EP400: variants seen among roughly 807,000 people sequenced by gnomAD.
The protein encoded by EP400 is E1A binding protein p400, also known as E1A-binding protein p400.
A neutral mutation model predicts 354.1 loss-of-function variants in EP400; 105 were observed. The ratio of observed to expected loss-of-function variants is 0.30; its 90% CI spans 0.25 to 0.35. EP400 has a LOEUF of 0.35. Ranked by LOEUF, EP400 falls within the 10% of genes least tolerant of loss-of-function variation. The pLI is 1.00. For synonymous variants in EP400, 1,646 were observed against 1,716.9 expected, an observed-to-expected ratio of 0.96 and a Z score of 1.02; for missense variants, 3,280 against 4,121.0, an observed-to-expected ratio of 0.80 and a Z score of 5.59.
intron 2 of EP400, among the ~76,000 whole-genome samples, chr12:131,971,620 G>A (rs1311784053): frequency 6.6e-6 from 1 of 152,152 alleles, no homozygotes; most frequent in Non-Finnish European, 1.5e-5. Context: ...GGGTTCTTTA[G>A]GGAAATGTTT....
chr12:131,969,558 G>C (rs752450089), intron 2 of EP400, among the ~76,000 whole-genome samples: 1 of 152,060 alleles, frequency 6.6e-6, no homozygotes, highest in Non-Finnish European at 1.5e-5. Context: ...GTATACTTCC[G>C]ACATACCTCT....
chr12:132,031,809 C>A (rs1411375828), intron 29 of EP400, 144 bp from the exon 30 acceptor site: 1 of 731,356 alleles, frequency 1.4e-6, no homozygotes, highest in African/African-American at 1.8e-5. Context: ...CCCACCTCGG[C>A]CTCCCAAAGT....
Position 131,982,398 on chromosome 12 carries a change from C to T in EP400, c.1849C>T (p.Gln617Ter). The change falls in exon 5 of 53, where the codon CAG (glutamine) becomes TAG (stop). Residue 617 changes from glutamine (Q) to a stop codon, truncating the protein, a stop_gained. Coordinates refer to ENST00000389561, the MANE Select transcript of EP400 (RefSeq NM_015409.5). LOFTEE classifies it high-confidence loss of function. ...CAGCCAACTCCCCATCCCTCCCTCGCAGCCTGCACAGCTGGCCCTCCACGT... is the reference window on the plus strand; with the variant it reads ...CAGCCAACTCCCCATCCCTCCCTCGTAGCCTGCACAGCTGGCCCTCCACGT... ...PSSQLPIPPS[Q>*]PAQLALHVPT... The T allele has an allele frequency of 6.2e-7, 1 of 1,614,182 alleles. No homozygotes were observed. Among genetic ancestry groups the T allele is most frequent in the Non-Finnish European group, 8.5e-7 (1 of 1,180,030 alleles).
intron 15 of EP400, 40 bp downstream of exon 15, chr12:132,006,917 A>G (rs746356704): frequency 9.9e-6 from 16 of 1,610,418 alleles, no homozygotes; most frequent in Non-Finnish European, 1.4e-5. Flanking sequence ...CCTATTTGCT[A>G]GGACTTACCT....
At chr12:132,020,809 G>A (rs1894098898) in intron 22 of EP400, among the ~76,000 whole-genome samples, 1 of 152,196 alleles carries the variant, frequency 6.6e-6, no homozygotes, top group African/African-American at 2.4e-5. Flanking sequence ...CTAATGTTTG[G>A]TTGGGCTGAC....
In EP400 at chr12:132,075,927, T is replaced by TA. The variant is rs1279619204; in HGVS notation, c.9022-588dup. 1.7e-5 allele frequency: 3 copies of TA among 178,954 alleles called. No homozygotes were observed. Among genetic ancestry groups the TA allele is most frequent in the Non-Finnish European group, 2.4e-5 (2 of 83,146 alleles). 11.1% of individuals were successfully genotyped at this position (178,954 alleles called of 1,614,324 possible). ...GACACACAGGTGGCCCAGAGCCTCT[T>TA]ACTACGTCAAGACAGCGGGAGATGC... On this transcript the variant is annotated intron_variant, in intron 51 of 52. Transcript: ENST00000389561. This position sits in a 1 kb window ranked among gnomAD's most constrained non-coding sequence, Gnocchi z 4.5.
At position 132,043,357 on chromosome 12, in the gene EP400, G is replaced by C. The variant is rs771874252; in HGVS notation, c.6261G>C (p.Glu2087Asp). Residue 2087 changes from glutamate (E) to aspartate (D), a missense_variant, in exon 33 of 53, where the codon GAG (glutamate) becomes GAC (aspartate). By Grantham distance (45) the Glu-to-Asp change is conservative (BLOSUM62 2). Transcript: ENST00000389561. ...AGGATGCCCAGAAGTCCGCACAGGA[G>C]GGGGTGCTGGGACCACACACTGATG... ...LEEDAQKSAQEGVLGPHTDAL... is the reference protein window; with the variant it reads ...LEEDAQKSAQDGVLGPHTDAL... 11 of 1,613,976 alleles carry C rather than the reference G, an allele frequency of 6.8e-6. No individual in the cohort carries two copies. The highest frequency in any genetic ancestry group is 6.6e-5 in the South Asian group (6 of 91,066).
rs1170171766 is a variant in EP400 at position 132,027,830 on chromosome 12, T to C, written c.5110-187T>C. On this transcript the variant is annotated intron_variant, in intron 26 of 52. Coordinates refer to ENST00000389561, the MANE Select transcript of EP400 (RefSeq NM_015409.5). This position sits in a 1 kb window ranked among gnomAD's most constrained non-coding sequence, Gnocchi z 4.9. Reference sequence around the variant, plus strand: ...AGAAGAGAACGCTTGTGCTCTCGGCTTCATTTCCATCTCTATTTCCTGTAG... The same window carrying C: ...AGAAGAGAACGCTTGTGCTCTCGGCCTCATTTCCATCTCTATTTCCTGTAG... Among the ~76,000 whole-genome samples the C allele has an allele frequency of 6.6e-6, 1 of 152,232 alleles. No homozygotes were observed. Among genetic ancestry groups the C allele is most frequent in the Non-Finnish European group, 1.5e-5 (1 of 68,046 alleles).
intron 32 of EP400, among the ~76,000 whole-genome samples, chr12:132,041,036 G>T (rs891923888): frequency 5.9e-5 from 9 of 152,220 alleles, no homozygotes; most frequent in Non-Finnish European, 1.3e-4. Context: ...GAGCCAGCAG[G>T]ACTTGCTGCA....
rs1383225209 is a variant in EP400 at position 132,054,994 on chromosome 12, A to G, written c.7749A>G (p.Ser2583=). 2 of 1,613,936 alleles carry G rather than the reference A, an allele frequency of 1.2e-6. No homozygotes were observed. Among genetic ancestry groups the G allele is most frequent in the South Asian group, 2.2e-5 (2 of 91,086 alleles). ...AATAGGCAGGAACCATTAAAACATC[A>G]GTTACTGGGACGAGCATGCCCACTG... The part of the protein sequence containing the change: ...AAVLAGTIKT[S]VTGTSMPTGA... Residue 2583 remains serine (S), a synonymous_variant, in exon 44 of 53, where the codon TCA becomes TCG. Coordinates refer to ENST00000389561, the MANE Select transcript of EP400 (RefSeq NM_015409.5). This position sits in a 1 kb window ranked among gnomAD's most constrained non-coding sequence, Gnocchi z 4.0.
At chr12:132,077,372 A>G (rs747617091) in intron 52 of EP400, 29 bp from the exon 53 acceptor site, 12 of 1,595,226 alleles carry the variant, frequency 7.5e-6, no homozygotes, top group Admixed American at 6.8e-5. Flanking sequence ...TTCCTGGGCA[A>G]TGTGTGTTTT....
At position 131,960,868 on chromosome 12, in the gene EP400, C is replaced by G. The variant is rs560209898; in HGVS notation, c.249C>G (p.Val83=). The change falls in exon 2 of 53, where the codon GTC becomes GTG. Residue 83 remains valine, a synonymous_variant. Coordinates refer to ENST00000389561, the MANE Select transcript of EP400 (RefSeq NM_015409.5). ...CCCTGCAGAGCGTGGGCCCTGTCGT[C>G]GGGGGAAACCAGCAGATCACACTGG... is the stretch of plus-strand genomic sequence containing the variant. The part of the protein sequence containing the change: ...NITLQSVGPV[V]GGNQQITLAP... 1.6e-4 allele frequency: 262 copies of G among 1,613,988 alleles called. 7 individuals carry two copies. The South Asian group carries it at 2.5e-3, about 15-fold the overall frequency.
In EP400 at chr12:132,029,774, A is replaced by G. The variant is rs2136555126; in HGVS notation, c.5455A>G (p.Ser1819Gly). The G allele has an allele frequency of 6.2e-7, 1 of 1,613,672 alleles. No individual in the cohort carries two copies. The highest frequency in any genetic ancestry group is 1.3e-5 in the African/African-American group (1 of 75,072). Residue 1819 changes from serine (S) to glycine (G), a missense_variant, in exon 28 of 53, where the codon AGC (serine) becomes GGC (glycine). Ser to Gly is a moderately conservative substitution (Grantham distance 56). This residue lies in a region of EP400 where 459 missense variants were observed against 496.9 expected (regional missense o/e 0.92). Transcript: ENST00000389561. This position sits in a 1 kb window ranked among gnomAD's most constrained non-coding sequence, Gnocchi z 4.7. Reference protein sequence around the residue: ...LRVPRPPPLYSHRMRILRQGL... With the variant: ...LRVPRPPPLYGHRMRILRQGL... ...GGTGCCGCGGCCGCCACCCCTGTAC[A>G]GCCACAGAATGAGGATCTTGAGGCA... is the stretch of plus-strand genomic sequence containing the variant.
At position 132,029,907 on chromosome 12, in the gene EP400, T is replaced by G. The variant is rs775536796; in HGVS notation, c.5584+4T>G. The G allele has an allele frequency of 1.2e-6, 2 of 1,612,146 alleles. No individual in the cohort carries two copies. The highest frequency in any genetic ancestry group is 3.3e-5 in the Admixed American group (2 of 60,022). ...AGGCTGGTGCAGTTCGACTCAGGTA[T>G]GCGGCAGTTGGGGGCGTGGCCCGTG... On this transcript the variant is annotated splice_donor_region_variant and intron_variant, in intron 28 of 52. Coordinates refer to ENST00000389561, the MANE Select transcript of EP400 (RefSeq NM_015409.5). The surrounding 1 kb of genome is among the most constrained non-coding windows in gnomAD (Gnocchi z 4.7).
At chr12:132,011,463 C>T (rs765033813) in intron 15 of EP400, 35 bp from the exon 16 acceptor site, 3 of 1,611,012 alleles carry the variant, frequency 1.9e-6, no homozygotes, top group Non-Finnish European at 2.5e-6. Flanking sequence ...ATGACAGATA[C>T]TTTGACGTGG....
intron 51 of EP400, among the ~76,000 whole-genome samples, chr12:132,071,765 A>G (rs1314209245): frequency 6.6e-6 from 1 of 151,970 alleles, no homozygotes; most frequent in Non-Finnish European, 1.5e-5. Flanking sequence ...GCTCCTCTGC[A>G]CCTGTGCCCC....
chr12:132,004,525 C>A (rs1893517904), intron 12 of EP400, among the ~76,000 whole-genome samples: 1 of 151,974 alleles, frequency 6.6e-6, no homozygotes, highest in Non-Finnish European at 1.5e-5. Flanking sequence ...TCATCTTCAT[C>A]AGTTATTTCC....
chr12:132,044,336 C>G, intron 35 of EP400, 25 bp downstream of exon 35: 1 of 1,602,756 alleles, frequency 6.2e-7, no homozygotes, highest in Non-Finnish European at 8.5e-7. Flanking sequence ...GCCCTCCTGC[C>G]CTCTTGCCCC....
rs551080897 is a variant in EP400 at position 132,027,048 on chromosome 12, C to T, written c.5015-389C>T. On this transcript the variant is annotated intron_variant, in intron 25 of 52. Transcript: ENST00000389561. The surrounding 1 kb of genome is among the most constrained non-coding windows in gnomAD (Gnocchi z 4.9). ...TGGGCTGCTCATGGCAGGCAAGGGC[C>T]TCACAGTCATCAGGCGGTCACCTGG... 1.3e-5 allele frequency among the ~76,000 whole-genome samples: 2 copies of T among 152,290 alleles called. No individual in the cohort carries two copies. The highest frequency in any genetic ancestry group is 4.8e-5 in the African/African-American group (2 of 41,554).
Sources: gnomAD v4.1 joint callset for allele counts (sites outside exome capture counted in the v4.1 genomes callset) on GRCh38, gnomAD v4.1.1 for gene constraint, gnomAD v4.1.1 regional missense constraint, Gnocchi (gnomAD v3.1) non-coding constraint, MANE v1.5 for transcripts, NCBI Gene and HGNC (gene_info 2026-07-23, HGNC 2026-07-21) for gene names.